The following REEP3 variants were observed in gnomAD, a reference collection of about 807,000 sequenced individuals.
The protein encoded by REEP3 is receptor accessory protein 3.
Under a neutral mutation model 41.3 loss-of-function variants are expected in REEP3, and 20 were observed. The ratio of observed to expected loss-of-function variants is 0.48; its 90% CI spans 0.34 to 0.70. REEP3 has a LOEUF of 0.70. Ranked by LOEUF, REEP3 falls within the 30% of genes least tolerant of loss-of-function variation. The probability of loss-of-function intolerance (pLI) is 0.01; values close to 1 mark genes in which losing one functional copy is unlikely to be tolerated. For missense variants in REEP3, 271 were observed against 308.8 expected, an observed-to-expected ratio of 0.88 and a Z score of 0.92; for synonymous variants, 104 against 101.8, an observed-to-expected ratio of 1.02 and a Z score of -0.13.
At chr10:63,552,834 T>G (rs1389121059) in intron 1 of REEP3, among the ~76,000 whole-genome samples, 1 of 152,220 alleles carries the variant, frequency 6.6e-6, no homozygotes, top group Non-Finnish European at 1.5e-5. Context: ...CTGTAATTAC[T>G]GATGTCAGAA....
At position 63,566,364 on chromosome 10, in the gene REEP3, C is replaced by A; in HGVS notation, c.59C>A (p.Ala20Glu). 6.4e-7 allele frequency: 1 copy of A among 1,551,448 alleles called. No homozygotes were observed. The highest frequency in any genetic ancestry group is 8.7e-7 in the Non-Finnish European group (1 of 1,144,246). Residue 20 changes from alanine (A) to glutamate (E), a missense_variant, in exon 2 of 8, where the codon GCA becomes GAA. Physicochemically the swap from Ala to Glu is moderately radical, Grantham distance 107. Transcript: ENST00000373758. ...VVLVFGMLYP[A>E]YYSYKAVKTK... Reference sequence around the variant, plus strand: ...CTGGTGTTTGGAATGCTTTATCCTGCATATTATTCATACAAAGCTGTGAAA... The same window carrying A: ...CTGGTGTTTGGAATGCTTTATCCTGAATATTATTCATACAAAGCTGTGAAA...
chr10:63,580,163 G>T (rs1033409524), intron 2 of REEP3, among the ~76,000 whole-genome samples: 3 of 152,152 alleles, frequency 2.0e-5, no homozygotes, highest in African/African-American at 7.2e-5. Context: ...TGGGGGGGTG[G>T]TATTGCTCTG....
chr10:63,609,102 G>A (rs1589888113), intron 5 of REEP3, among the ~76,000 whole-genome samples: 1 of 152,146 alleles, frequency 6.6e-6, no homozygotes, highest in East Asian at 1.9e-4. Context: ...AGGAAGAGCC[G>A]TTACCAGTCC....
chr10:63,572,845 A>T (rs1564481908), intron 2 of REEP3, among the ~76,000 whole-genome samples: 2 of 152,234 alleles, frequency 1.3e-5, no homozygotes, highest in Non-Finnish European at 2.9e-5. Flanking sequence ...TCTTGAATAA[A>T]TAAATGAGAA....
At chr10:63,554,456 A>T (rs773608687) in intron 1 of REEP3, among the ~76,000 whole-genome samples, 4 of 152,192 alleles carry the variant, frequency 2.6e-5, no homozygotes, top group Non-Finnish European at 4.4e-5. Flanking sequence ...CGAACTGTTA[A>T]TATTGGGGAT....
At chr10:63,567,080 G>A (rs186099751) in intron 2 of REEP3, among the ~76,000 whole-genome samples, 6 of 152,186 alleles carry the variant, frequency 3.9e-5, no homozygotes, top group Admixed American at 3.3e-4. Flanking sequence ...ATATAGTTTA[G>A]TATATGTGAT....
intron 2 of REEP3, among the ~76,000 whole-genome samples, chr10:63,577,735 T>TCC (rs1409724615): frequency 1.3e-5 from 2 of 152,080 alleles, no homozygotes; most frequent in Non-Finnish European, 2.9e-5. Context: ...GCACCCAGCC[T>TCC]CTGTAACCCT....
intron 2 of REEP3, among the ~76,000 whole-genome samples, chr10:63,572,700 G>A (rs190632486): frequency 3.3e-5 from 5 of 152,224 alleles, no homozygotes; most frequent in African/African-American, 1.2e-4. Flanking sequence ...TATAGTATCT[G>A]ATGTTATATT....
chr10:63,563,438 G>A (rs915020790), intron 1 of REEP3, among the ~76,000 whole-genome samples: 2 of 152,182 alleles, frequency 1.3e-5, no homozygotes, highest in Middle Eastern at 3.2e-3. Context: ...TGGGGCAGGA[G>A]ATACAGTAGT....
At chr10:63,546,729 T>C (rs1200430076) in intron 1 of REEP3, among the ~76,000 whole-genome samples, 1 of 152,164 alleles carries the variant, frequency 6.6e-6, no homozygotes, top group African/African-American at 2.4e-5. Flanking sequence ...ATTTGTCTTA[T>C]CACAAAGGTA....
chr10:63,562,472 G>T (rs1955749935), intron 1 of REEP3: 1 of 440,796 alleles, frequency 2.3e-6, no homozygotes, highest in Non-Finnish European at 4.6e-6. Flanking sequence ...GGCCAAGCTG[G>T]TCTCGAACTC....
chr10:63,546,617 A>G (rs1278899988), intron 1 of REEP3, among the ~76,000 whole-genome samples: 1 of 152,232 alleles, frequency 6.6e-6, no homozygotes, highest in Non-Finnish European at 1.5e-5. Context: ...AAGATTGATT[A>G]TAAAGCTACA....
chr10:63,597,559 T>C lies in REEP3; in HGVS notation c.183-465T>C, dbSNP rs555886573. 2.0e-5 allele frequency among the ~76,000 whole-genome samples: 3 copies of C among 152,330 alleles called. No homozygotes were observed. In the East Asian group the frequency reaches 5.8e-4, roughly 29 times the overall value. On this transcript the variant is annotated intron_variant, in intron 3 of 7. Coordinates refer to ENST00000373758, the MANE Select transcript of REEP3 (RefSeq NM_001001330.3). Reference sequence around the variant, plus strand: ...GGTCACACATTCATGAACTGATCTATAGTTGAAACAAGATTATTCAAACAC... The same window carrying C: ...GGTCACACATTCATGAACTGATCTACAGTTGAAACAAGATTATTCAAACAC...
At chr10:63,558,505 G>A (rs1955710860) in intron 1 of REEP3, among the ~76,000 whole-genome samples, 1 of 152,182 alleles carries the variant, frequency 6.6e-6, no homozygotes. Flanking sequence ...AGAGGCTGGA[G>A]GCCAGGCACA....
At position 63,596,278 on chromosome 10, in the gene REEP3, G is replaced by C. The variant is rs185775780; in HGVS notation, c.182+1424G>C. 2.0e-4 allele frequency among the ~76,000 whole-genome samples: 31 copies of C among 152,166 alleles called. No individual in the cohort carries two copies. The East Asian group carries it at 5.8e-3, about 28-fold the overall frequency. ...ATTTTTGGTATAGGGGTTTGGTTGT[G>C]GGGGGTCTCTTTGTTTTTAAGTGAC... is the stretch of plus-strand genomic sequence containing the variant. On this transcript the variant is annotated intron_variant, in intron 3 of 7. Coordinates refer to ENST00000373758, the MANE Select transcript of REEP3 (RefSeq NM_001001330.3).
intron 1 of REEP3, among the ~76,000 whole-genome samples, chr10:63,536,052 A>G (rs771025257): frequency 6.6e-6 from 1 of 152,220 alleles, no homozygotes; most frequent in Non-Finnish European, 1.5e-5. Flanking sequence ...GCAGTTTCAA[A>G]CTAATTTGTT....
chr10:63,585,161 A>G (rs1282078741), intron 2 of REEP3, among the ~76,000 whole-genome samples: 2 of 152,188 alleles, frequency 1.3e-5, no homozygotes, highest in Non-Finnish European at 2.9e-5. Flanking sequence ...AGACCTTAAA[A>G]TGTAAGAGTG....
At chr10:63,528,222 C>T (rs1249803452) in intron 1 of REEP3, among the ~76,000 whole-genome samples, 15 of 152,168 alleles carry the variant, frequency 9.9e-5, no homozygotes, top group Admixed American at 9.8e-4. Context: ...TCAGACTGAA[C>T]TTAAGACATC....
intron 2 of REEP3, among the ~76,000 whole-genome samples, chr10:63,572,888 G>A (rs1955865477): frequency 6.6e-6 from 1 of 152,114 alleles, no homozygotes; most frequent in Non-Finnish European, 1.5e-5. Flanking sequence ...CAAATATTGT[G>A]CTTAATAGCT....
Sources: allele counts gnomAD v4.1 joint callset (sites outside exome capture counted in the v4.1 genomes callset), GRCh38; gene constraint gnomAD v4.1.1; transcripts MANE v1.5; gene names NCBI Gene and HGNC (gene_info 2026-07-23, HGNC 2026-07-21).